Variants in ZNF483 observed in about 807,000 individuals in gnomAD.
The protein encoded by ZNF483 is zinc finger protein HIT-10.
A neutral mutation model predicts 28.6 loss-of-function variants in ZNF483; 9 were observed. That is an observed-to-expected ratio of 0.32 (90% CI 0.19 to 0.55). ZNF483 has a LOEUF of 0.55. ZNF483 is among the 20% of genes least tolerant of loss of function. ZNF483 has a pLI of 0.93. For synonymous variants in ZNF483, 322 were observed against 306.2 expected, an observed-to-expected ratio of 1.05 and a Z score of -0.54; for missense variants, 675 against 871.7, an observed-to-expected ratio of 0.77 and a Z score of 2.84.
At chr9:111,536,723 C>T (rs540450808) in intron 5 of ZNF483, among the ~76,000 whole-genome samples, 3 of 151,234 alleles carry the variant, frequency 2.0e-5, no homozygotes, top group Non-Finnish European at 1.5e-5. Context: ...CGCCCCCGTA[C>T]AGTTGAAAAT....
At chr9:111,539,069 C>T (rs893020020) in intron 5 of ZNF483, among the ~76,000 whole-genome samples, 5 of 140,482 alleles carry the variant, frequency 3.6e-5, no homozygotes, top group Admixed American at 2.2e-4. Context: ...GCTGAGATCA[C>T]GCTACTGCAC....
chr9:111,527,696 C>G lies in ZNF483; in HGVS notation c.301C>G (p.Leu101Val), dbSNP rs1410328831. ...AGAGCTTCTGGTGTTTGAGCAGTTCCTGACCATTTTGCCTGGGGAGATCAG... is the reference window on the plus strand; with the variant it reads ...AGAGCTTCTGGTGTTTGAGCAGTTCGTGACCATTTTGCCTGGGGAGATCAG... ...ILELLVFEQF[L>V]TILPGEIRIW... The change falls in exon 2 of 6, where the codon CTG (leucine) becomes GTG (valine). Residue 101 changes from leucine (L) to valine (V), a missense_variant. Physicochemically the swap from Leu to Val is conservative, Grantham distance 32 (BLOSUM62 1). Coordinates refer to ENST00000309235, the MANE Select transcript of ZNF483 (RefSeq NM_133464.5). 6.2e-7 allele frequency: 1 copy of G among 1,614,114 alleles called. No individual in the cohort carries two copies. The highest frequency in any genetic ancestry group is 2.2e-5 in the East Asian group (1 of 44,882).
intron 3 of ZNF483, 52 bp from the exon 4 acceptor site, chr9:111,533,687 T>G: frequency 6.6e-7 from 1 of 1,503,946 alleles, no homozygotes; most frequent in Non-Finnish European, 8.8e-7. Context: ...AAAAAAGTAC[T>G]TAGGTTCTAT....
chr9:111,549,495 CAG>C lies in ZNF483; in HGVS notation c.*6328_*6329del, dbSNP rs1220633903. Among the ~76,000 whole-genome samples the C allele has an allele frequency of 2.6e-5, 4 of 152,156 alleles. No individual in the cohort carries two copies. The highest frequency in any genetic ancestry group is 9.7e-5 in the African/African-American group (4 of 41,418). On this transcript the variant is annotated 3_prime_UTR_variant, in exon 6 of 6. Transcript: ENST00000309235. Reference sequence around the variant, plus strand: ...AGAAATTGGTGAGGTATCTTTCTCTCAGAGTCTTTTTTATGAAGTCTGATGTT... The same window carrying C: ...AGAAATTGGTGAGGTATCTTTCTCTCAGTCTTTTTTATGAAGTCTGATGTT...
chr9:111,565,617 G>A (rs1828525721), intron 5 of ZNF483, among the ~76,000 whole-genome samples: 1 of 152,088 alleles, frequency 6.6e-6, no homozygotes. Context: ...TTGAACTCTT[G>A]GACTCAGGTG....
intron 5 of ZNF483, among the ~76,000 whole-genome samples, chr9:111,535,736 G>A (rs926068906): frequency 3.3e-5 from 5 of 151,562 alleles, no homozygotes; most frequent in South Asian, 2.1e-4. Flanking sequence ...TAGTAGAGGC[G>A]GGGTTTCACC....
At chr9:111,574,813 G>A (rs746335491) in intron 5 of ZNF483, 38 of 1,613,422 alleles carry the variant, frequency 2.4e-5, no homozygotes, top group African/African-American at 1.3e-4. Context: ...TCATCTGGCC[G>A]ATAACAGTGT....
At position 111,542,798 on chromosome 9, in the gene ZNF483, T is replaced by G; in HGVS notation, c.1863T>G (p.Ser621=). 6.2e-7 allele frequency: 1 copy of G among 1,614,102 alleles called. No individual in the cohort carries two copies. Among genetic ancestry groups the G allele is most frequent in the South Asian group, 1.1e-5 (1 of 91,070 alleles). Residue 621 remains serine, a synonymous_variant, in exon 6 of 6, where the codon TCT becomes TCG. Coordinates refer to ENST00000309235, the MANE Select transcript of ZNF483 (RefSeq NM_133464.5). The surrounding 1 kb of genome is among the most constrained non-coding windows in gnomAD (Gnocchi z 6.2). ...GAATGACTTTTAGCCATTTTACGTC[T>G]GTGATTTATCATCAAAGACTTCATT... ...DCGMTFSHFT[S]VIYHQRLHSG...
At chr9:111,566,110 G>A (rs1350934616) in intron 5 of ZNF483, among the ~76,000 whole-genome samples, 1 of 152,034 alleles carries the variant, frequency 6.6e-6, no homozygotes, top group African/African-American at 2.4e-5. Context: ...GGCTGAAGTG[G>A]GAGAATCACT....
At chr9:111,534,502 G>C (rs756699161) in intron 5 of ZNF483, 149 bp downstream of exon 5, 123 of 664,518 alleles carry the variant, frequency 1.9e-4, no homozygotes, top group Non-Finnish European at 2.8e-4. Context: ...TCATTTTAGT[G>C]GGGGAGACTT....
intron 2 of ZNF483, among the ~76,000 whole-genome samples, chr9:111,528,860 T>A (rs939685346): frequency 6.6e-6 from 1 of 152,158 alleles, no homozygotes; most frequent in African/African-American, 2.4e-5. Context: ...AAGAATTGAT[T>A]TCGGGCTGGG....
rs1393684725 is a variant in ZNF483, at chr9:111,542,382, A to G, written c.1447A>G (p.Thr483Ala). The change falls in exon 6 of 6, where the codon ACA becomes GCA. Residue 483 changes from threonine (T) to alanine (A), a missense_variant. This residue lies in a region of ZNF483 where 525 missense variants were observed against 581.8 expected (regional missense o/e 0.90). Transcript: ENST00000309235. This position sits in a 1 kb window ranked among gnomAD's most constrained non-coding sequence, Gnocchi z 6.2. ...AGCTTTTAGTGATAGTTCATCGCTC[A>G]CACCACATCATAGAACTCATAGTGG... ...GKAFSDSSSL[T>A]PHHRTHSGEK... 6.2e-7 allele frequency: 1 copy of G among 1,614,140 alleles called. No homozygotes were observed.
chr9:111,530,874 G>A lies in ZNF483; in HGVS notation c.413-1G>A. On this transcript the variant is annotated splice_acceptor_variant, in intron 2 of 5. Coordinates refer to ENST00000309235, the MANE Select transcript of ZNF483 (RefSeq NM_133464.5). LOFTEE classifies it high-confidence loss of function. ...TGGACTGGTTTTCTCCCCTTTCCTA[G>A]ATCCAGTCTCTCAAGATTCTACTGT... 5.6e-6 allele frequency: 8 copies of A among 1,430,406 alleles called. No homozygotes were observed. Among genetic ancestry groups the A allele is most frequent in the Non-Finnish European group, 7.5e-6 (8 of 1,067,478 alleles). 88.6% of individuals were successfully genotyped at this position (1,430,406 alleles called of 1,614,324 possible).
At chr9:111,574,028 G>T (rs1349755816) in intron 5 of ZNF483, among the ~76,000 whole-genome samples, 2 of 152,174 alleles carry the variant, frequency 1.3e-5, no homozygotes, top group Non-Finnish European at 2.9e-5. Flanking sequence ...CACTGCCCAA[G>T]ATTTCTGAAG....
intron 5 of ZNF483, among the ~76,000 whole-genome samples, chr9:111,566,332 A>G (rs1160398082): frequency 2.6e-5 from 4 of 152,206 alleles, no homozygotes; most frequent in Admixed American, 2.6e-4. Context: ...GATGGGTTAC[A>G]TTAGATTTCA....
intron 5 of ZNF483, chr9:111,564,167 T>A: frequency 2.1e-6 from 2 of 957,664 alleles, no homozygotes; most frequent in Non-Finnish European, 2.6e-6. Context: ...CTGATACAAG[T>A]TTTTCGCTAA....
intron 5 of ZNF483, among the ~76,000 whole-genome samples, chr9:111,536,456 T>C (rs1354114421): frequency 6.6e-6 from 1 of 151,904 alleles, no homozygotes; most frequent in Non-Finnish European, 1.5e-5. Context: ...ACCTGGGAAG[T>C]GGAGCTTGCA....
At chr9:111,540,000 C>A (rs993092988) in intron 5 of ZNF483, among the ~76,000 whole-genome samples, 1 of 151,962 alleles carries the variant, frequency 6.6e-6, no homozygotes, top group South Asian at 2.1e-4. Flanking sequence ...GGTATGGTGG[C>A]ACCTGCCTGT....
intron 5 of ZNF483, among the ~76,000 whole-genome samples, chr9:111,536,902 G>A (rs1008421188): frequency 6.6e-6 from 1 of 152,060 alleles, no homozygotes; most frequent in Non-Finnish European, 1.5e-5. Context: ...TAACATTTAC[G>A]GTACTGTACT....
Sources: gnomAD v4.1 joint callset for allele counts (sites outside exome capture counted in the v4.1 genomes callset) on GRCh38, gnomAD v4.1.1 for gene constraint, gnomAD v4.1.1 regional missense constraint, Gnocchi (gnomAD v3.1) non-coding constraint, MANE v1.5 for transcripts, NCBI Gene and HGNC (gene_info 2026-07-23, HGNC 2026-07-21) for gene names.